Variants in PSG5 observed in about 807,000 individuals in gnomAD.
The protein encoded by PSG5 is pregnancy-specific beta-1-glycoprotein 5.
PSG5 carries 53 observed loss-of-function variants against 37.7 expected under a neutral mutation model. The observed-to-expected ratio is 1.41, with a 90% CI of 1.13 to 1.77. The LOEUF is 1.77. Ranked by LOEUF, PSG5 falls within the 40% of genes most tolerant of loss-of-function variation. PSG5 has a pLI of 0.00. For synonymous variants in PSG5, 221 were observed against 155.4 expected, an observed-to-expected ratio of 1.42 and a Z score of -3.14; for missense variants, 547 against 405.2, an observed-to-expected ratio of 1.35 and a Z score of -3.00.
In PSG5 at chr19:43,185,130, A is replaced by C; in HGVS notation, c.82T>G (p.Trp28Gly). The change falls in exon 2 of 6, where the codon TGG becomes GGG. Residue 28 changes from tryptophan to glycine, a missense_variant. Trp to Gly is a radical substitution (Grantham distance 184). Transcript: ENST00000342951. ...LLLTASLLNF[W>G]NLPITAQVTI... ...ACTTGAGCAGTGATAGGCAGGTTCCAGAAGTTTAAAAGTGATGCTAGGAGG... is the reference window on the plus strand; with the variant it reads ...ACTTGAGCAGTGATAGGCAGGTTCCCGAAGTTTAAAAGTGATGCTAGGAGG... 1 of 1,607,006 alleles carries C rather than the reference A, an allele frequency of 6.2e-7. No individual in the cohort carries two copies. The highest frequency in any genetic ancestry group is 2.2e-5 in the East Asian group (1 of 44,854).
chr19:43,177,872 A>T lies in PSG5; in HGVS notation c.431-1724T>A, dbSNP rs564528348. On this transcript the variant is annotated intron_variant, in intron 2 of 5. Coordinates refer to ENST00000342951, the MANE Select transcript of PSG5 (RefSeq NM_002781.4). The stretch of plus-strand genomic sequence containing the variant: ...TTGAAAATGAAATGTCTTTCCATAT[A>T]TTGATATCATCTTTAATTTCTTTCA... 6.0e-4 allele frequency among the ~76,000 whole-genome samples: 91 copies of T among 151,624 alleles called. 4 individuals carry two copies. Among genetic ancestry groups the T allele is most frequent in the South Asian group, 1.2e-3 (6 of 4,820 alleles).
chr19:43,179,098 C>T (rs1333925214), intron 2 of PSG5: 3 of 1,609,258 alleles, frequency 1.9e-6, no homozygotes, highest in Non-Finnish European at 2.6e-6. Flanking sequence ...AAGATCACAG[C>T]CTCCATGGCC....
At chr19:43,185,263 C>T in intron 1 of PSG5, 116 bp from the exon 2 acceptor site, 2 of 1,278,346 alleles carry the variant, frequency 1.6e-6, no homozygotes, top group Non-Finnish European at 2.2e-6. Context: ...CACACACACA[C>T]ACAAACACAC....
At chr19:43,185,382 C>T (rs114986848) in intron 1 of PSG5, among the ~76,000 whole-genome samples, 1,578 of 150,784 alleles carry the variant, frequency 0.01, 49 homozygotes, top group Middle Eastern at 0.024. Flanking sequence ...ACACTTCTGA[C>T]CTTGGCATTT....
At chr19:43,181,605 T>C (rs1458601668) in intron 2 of PSG5, among the ~76,000 whole-genome samples, 1 of 151,606 alleles carries the variant, frequency 6.6e-6, no homozygotes, top group African/African-American at 2.4e-5. Context: ...ACTACAGGCA[T>C]CCGCCACCAC....
chr19:43,172,908 T>C (rs936268484), intron 4 of PSG5, among the ~76,000 whole-genome samples: 4 of 151,558 alleles, frequency 2.6e-5, no homozygotes, highest in Non-Finnish European at 5.9e-5. Context: ...ATCTCATGAC[T>C]CTAAATAGAC....
rs1443702854 is a variant in PSG5, at chr19:43,175,935, T to C, written c.644A>G (p.Tyr215Cys). Residue 215 changes from tyrosine (Y) to cysteine (C), a missense_variant, in exon 3 of 6, where the codon TAT becomes TGT. Physicochemically the swap from Tyr to Cys is radical, Grantham distance 194. Coordinates refer to ENST00000342951, the MANE Select transcript of PSG5 (RefSeq NM_002781.4). Reference protein sequence around the residue: ...PSVTRNETGPYECEIRDRDGG... With the variant: ...PSVTRNETGPCECEIRDRDGG... ...ATCTCGGTCCCGTATTTCACATTCA[T>C]AGGGTCCTGTTTCATTTCTCGTGAC... is the stretch of plus-strand genomic sequence containing the variant. 1.2e-6 allele frequency: 2 copies of C among 1,612,378 alleles called. No homozygotes were observed. The highest frequency in any genetic ancestry group is 1.7e-6 in the Non-Finnish European group (2 of 1,179,184).
chr19:43,172,580 A>G (rs1381370309), intron 4 of PSG5, among the ~76,000 whole-genome samples: 5 of 151,748 alleles, frequency 3.3e-5, no homozygotes, highest in Non-Finnish European at 5.9e-5. Context: ...ATTTCAATAC[A>G]CTAAACATGA....
intron 1 of PSG5, among the ~76,000 whole-genome samples, chr19:43,185,458 C>T (rs1481498769): frequency 3.3e-5 from 5 of 149,318 alleles, no homozygotes; most frequent in East Asian, 3.9e-4. Flanking sequence ...GCCCTCAGGT[C>T]CTGCTCACAT....
chr19:43,175,451 C>G lies in PSG5; in HGVS notation c.728G>C (p.Ser243Thr), dbSNP rs1968988087. 9 of 1,609,960 alleles carry G rather than the reference C, an allele frequency of 5.6e-6. No homozygotes were observed. In the East Asian group the frequency reaches 2.0e-4, roughly 36 times the overall value. Residue 243 changes from serine to threonine, a missense_variant, in exon 4 of 6, where the codon AGC (serine) becomes ACC (threonine). Physicochemically the swap from Ser to Thr is moderately conservative, Grantham distance 58. Transcript: ENST00000342951. Reference protein sequence around the residue: ...LNVLYGPDLPSIYPSFTYYRS... With the variant: ...LNVLYGPDLPTIYPSFTYYRS... ...GTAATAGGTGAATGAAGGGTAAATG[C>G]TGGGGAGGTCTGGACCATCTGGAGC...
intron 3 of PSG5, 157 bp from the exon 4 acceptor site, chr19:43,175,626 A>C (rs1340829108): frequency 1.3e-5 from 19 of 1,409,630 alleles, no homozygotes; most frequent in Middle Eastern, 2.6e-4. Flanking sequence ...TGAGGTATTC[A>C]CCTGTTTCTC....
chr19:43,183,472 C>A (rs747404067), intron 2 of PSG5: 1 of 528,958 alleles, frequency 1.9e-6, no homozygotes, highest in Non-Finnish European at 3.9e-6. Context: ...GGAGCAGGGT[C>A]TGAGTGGGGA....
chr19:43,177,578 T>G (rs1237244599), intron 2 of PSG5, among the ~76,000 whole-genome samples: 4 of 151,390 alleles, frequency 2.6e-5, no homozygotes, highest in Non-Finnish European at 4.4e-5. Flanking sequence ...CTGGCCATTC[T>G]GCACTCATAT....
chr19:43,172,229 A>G lies in PSG5; in HGVS notation c.965-2091T>C, dbSNP rs964755292. On this transcript the variant is annotated intron_variant, in intron 4 of 5. Coordinates refer to ENST00000342951, the MANE Select transcript of PSG5 (RefSeq NM_002781.4). Reference sequence around the variant, plus strand: ...TTCATAATGAAAACATCCTAAGAATAGAAGGAAACCACCTCAACATAAAGG... The same window carrying G: ...TTCATAATGAAAACATCCTAAGAATGGAAGGAAACCACCTCAACATAAAGG... Among the ~76,000 whole-genome samples, 23 of 151,728 alleles carry G rather than the reference A, an allele frequency of 1.5e-4. 1 individual carries two copies. In the Middle Eastern group the frequency reaches 0.014, roughly 91 times the overall value.
chr19:43,181,874 A>G (rs551448596), intron 2 of PSG5, among the ~76,000 whole-genome samples: 10 of 151,906 alleles, frequency 6.6e-5, no homozygotes, highest in Middle Eastern at 6.8e-3. Flanking sequence ...GAAGTCTCTA[A>G]GAAGTGACAG....
At chr19:43,178,484 G>A (rs969750798) in intron 2 of PSG5, among the ~76,000 whole-genome samples, 7 of 151,680 alleles carry the variant, frequency 4.6e-5, no homozygotes, top group African/African-American at 1.7e-4. Flanking sequence ...GCCATCTGGA[G>A]CAAAGAGAAT....
Position 43,170,065 on chromosome 19 carries a change from T to C in PSG5, c.*30A>G, listed in dbSNP as rs754642657. 108 of 1,544,938 alleles carry C rather than the reference T, an allele frequency of 7.0e-5. 3 individuals carry two copies. The highest frequency in any genetic ancestry group is 1.7e-4 in the Middle Eastern group (1 of 5,848). On this transcript the variant is annotated 3_prime_UTR_variant, in exon 5 of 6. Coordinates refer to ENST00000342951, the MANE Select transcript of PSG5 (RefSeq NM_002781.4). ...AAAAGGCCATCATACCTGCCAGTCT[T>C]CCTGAAATACAGAAATGACTTCACG...
intron 2 of PSG5, among the ~76,000 whole-genome samples, chr19:43,180,937 T>C (rs940329215): frequency 1.3e-4 from 20 of 151,628 alleles, no homozygotes; most frequent in Non-Finnish European, 2.8e-4. Flanking sequence ...CTAATTTCTG[T>C]GCAGAGTTAG....
At chr19:43,183,737 T>A (rs1003761689) in intron 2 of PSG5, among the ~76,000 whole-genome samples, 1 of 150,368 alleles carries the variant, frequency 6.7e-6, no homozygotes, top group African/African-American at 2.5e-5. Context: ...GACTATGGGG[T>A]CCTTGGAACC....
Sources: allele counts gnomAD v4.1 joint callset (sites outside exome capture counted in the v4.1 genomes callset), GRCh38; gene constraint gnomAD v4.1.1; transcripts MANE v1.5; gene names NCBI Gene and HGNC (gene_info 2026-07-23, HGNC 2026-07-21).